Variants in KAZN observed in about 807,000 individuals in gnomAD.
KAZN encodes kazrin, periplakin interacting protein.
Under a neutral mutation model 87.4 loss-of-function variants are expected in KAZN, and 40 were observed. That is an observed-to-expected ratio of 0.46 (90% CI 0.36 to 0.60). KAZN has a LOEUF of 0.60. Ranked by LOEUF, KAZN falls within the 20% of genes least tolerant of loss-of-function variation. The pLI is 0.00. For synonymous variants in KAZN, 466 were observed against 458.3 expected, an observed-to-expected ratio of 1.02 and a Z score of -0.22; for missense variants, 898 against 1,073.9, an observed-to-expected ratio of 0.84 and a Z score of 2.29.
intron 1 of KAZN, among the ~76,000 whole-genome samples, chr1:13,921,334 G>A (rs1640060367): frequency 6.6e-6 from 1 of 152,118 alleles, no homozygotes; most frequent in Admixed American, 6.5e-5. Flanking sequence ...GGCTTTGCAG[G>A]CCAGATGGTA....
chr1:13,927,285 G>T (rs1428940121), intron 1 of KAZN, among the ~76,000 whole-genome samples: 1 of 152,182 alleles, frequency 6.6e-6, no homozygotes, highest in African/African-American at 2.4e-5. Flanking sequence ...GAACTAGAAG[G>T]TCACACAGGG....
At chr1:14,428,676 G>C (rs1665878192) in intron 2 of KAZN, among the ~76,000 whole-genome samples, 1 of 152,248 alleles carries the variant, frequency 6.6e-6, no homozygotes, top group Non-Finnish European at 1.5e-5. Flanking sequence ...ATGGTGGAAG[G>C]CACCTCTTCA....
At chr1:14,950,499 C>T (rs1380076975) in intron 1 of KAZN, among the ~76,000 whole-genome samples, 1 of 152,170 alleles carries the variant, frequency 6.6e-6, no homozygotes, top group Admixed American at 6.5e-5. Context: ...CCCGAAGGCT[C>T]AGGATGGCCA....
At chr1:15,086,339 A>C (rs1640256800) in intron 8 of KAZN, among the ~76,000 whole-genome samples, 1 of 152,234 alleles carries the variant, frequency 6.6e-6, no homozygotes, top group Admixed American at 6.5e-5. Flanking sequence ...TCTCTATAGC[A>C]GAAATGAAGA....
At chr1:14,685,867 T>C (rs1360704949) in intron 1 of KAZN, among the ~76,000 whole-genome samples, 3 of 152,184 alleles carry the variant, frequency 2.0e-5, no homozygotes, top group East Asian at 1.9e-4. Context: ...TCTGTGTGTG[T>C]GCGCACGTGT....
At chr1:14,577,288 A>C (rs1397121111) in intron 2 of KAZN, among the ~76,000 whole-genome samples, 1 of 152,224 alleles carries the variant, frequency 6.6e-6, no homozygotes, top group Non-Finnish European at 1.5e-5. Context: ...TCTGCTTTTC[A>C]AGCTGGTTTC....
intron 1 of KAZN, among the ~76,000 whole-genome samples, chr1:14,176,838 A>G (rs773549710): frequency 6.6e-6 from 1 of 152,210 alleles, no homozygotes; most frequent in Non-Finnish European, 1.5e-5. Context: ...TCTACCTTCA[A>G]ATAACATTAT....
intron 1 of KAZN, among the ~76,000 whole-genome samples, chr1:14,927,692 C>A (rs905257806): frequency 6.6e-6 from 1 of 152,140 alleles, no homozygotes; most frequent in Non-Finnish European, 1.5e-5. Context: ...GCACTCTAAC[C>A]CTTTTGCTCC....
chr1:14,541,661 G>A (rs1459192924), intron 2 of KAZN, among the ~76,000 whole-genome samples: 1 of 152,184 alleles, frequency 6.6e-6, no homozygotes, highest in East Asian at 1.9e-4. Flanking sequence ...GTGCCCATCT[G>A]GGGCAAAGCT....
At chr1:14,973,195 T>A (rs563988127) in intron 2 of KAZN, among the ~76,000 whole-genome samples, 2 of 152,196 alleles carry the variant, frequency 1.3e-5, no homozygotes, top group Non-Finnish European at 2.9e-5. Flanking sequence ...GTTTTAATGT[T>A]ACTAAAATAT....
intron 2 of KAZN, among the ~76,000 whole-genome samples, chr1:14,326,916 G>A (rs1182197474): frequency 2.0e-5 from 3 of 151,970 alleles, no homozygotes; most frequent in Non-Finnish European, 2.9e-5. Flanking sequence ...CCCCCATCCT[G>A]CTTTATAGCC....
At chr1:13,905,098 A>G (rs1339281173) in intron 1 of KAZN, among the ~76,000 whole-genome samples, 5 of 152,148 alleles carry the variant, frequency 3.3e-5, no homozygotes. Context: ...ATAGTTTTCA[A>G]ATCTCCCAGG....
chr1:13,974,707 A>G (rs143021852), intron 1 of KAZN, among the ~76,000 whole-genome samples: 1 of 152,292 alleles, frequency 6.6e-6, no homozygotes, highest in African/African-American at 2.4e-5. Context: ...CTCCCTGAGG[A>G]AGCAAAGGAA....
intron 1 of KAZN, among the ~76,000 whole-genome samples, chr1:14,667,885 C>A (rs914838074): frequency 1.3e-5 from 2 of 152,050 alleles, no homozygotes; most frequent in African/African-American, 4.8e-5. Context: ...GATCAAATCG[C>A]TCCTTGAAGC....
At chr1:14,736,773 T>C (rs571838356) in intron 1 of KAZN, among the ~76,000 whole-genome samples, 1 of 152,274 alleles carries the variant, frequency 6.6e-6, no homozygotes, top group African/African-American at 2.4e-5. Flanking sequence ...TTCACTCAAA[T>C]CATCTGAAGT....
intron 1 of KAZN, among the ~76,000 whole-genome samples, chr1:14,825,825 G>A (rs1421552588): frequency 6.6e-6 from 1 of 152,116 alleles, no homozygotes; most frequent in African/African-American, 2.4e-5. Flanking sequence ...CCACTGCAAG[G>A]CCTCTGAGAC....
chr1:15,111,271 T>TGTTGTTGTTG (rs139236925), intron 13 of KAZN, among the ~76,000 whole-genome samples: 1 of 147,480 alleles, frequency 6.8e-6, no homozygotes, highest in East Asian at 2.0e-4. Context: ...GTTGTTGTTG[T>TGTTGTTGTTG]TTGTTGTTGT....
intron 2 of KAZN, among the ~76,000 whole-genome samples, chr1:14,362,407 C>G (rs1659597721): frequency 6.6e-6 from 1 of 152,204 alleles, no homozygotes; most frequent in South Asian, 2.1e-4. Context: ...GACTCTTAGC[C>G]TGACAAACAT....
chr1:14,093,607 T>C (rs1644058032), intron 1 of KAZN, among the ~76,000 whole-genome samples: 1 of 152,096 alleles, frequency 6.6e-6, no homozygotes, highest in South Asian at 2.1e-4. Flanking sequence ...GGGACATTCT[T>C]GTAGGGGAGT....
Sources: allele counts gnomAD v4.1 joint callset (sites outside exome capture counted in the v4.1 genomes callset), GRCh38; gene constraint gnomAD v4.1.1; transcripts MANE v1.5; gene names NCBI Gene and HGNC (gene_info 2026-07-23, HGNC 2026-07-21).